The following KANK1 variants were observed in gnomAD, a reference collection of about 807,000 sequenced individuals.
The protein encoded by KANK1 is KN motif and ankyrin repeat domains 1, also known as KN motif and ankyrin repeat domain-containing protein 1.
KANK1 carries 109 observed loss-of-function variants against 106.2 expected under a neutral mutation model. The ratio of observed to expected loss-of-function variants is 1.03; its 90% CI spans 0.88 to 1.20. The LOEUF (loss-of-function observed/expected upper bound fraction) is 1.20. Ranked by LOEUF, KANK1 falls within the 50% of genes most tolerant of loss-of-function variation. The pLI is 0.00. For synonymous variants in KANK1, 873 were observed against 652.2 expected (o/e 1.34, Z -5.16); for missense variants, 2,399 against 1,710.7 (o/e 1.40, Z -7.10).
At chr9:580,190 CGTCTGGAGTTGTTCGTTCCTCCG>C (rs1563803497) in intron 1 of KANK1, among the ~76,000 whole-genome samples, 1 of 151,726 alleles carries the variant, frequency 6.6e-6, no homozygotes, top group African/African-American at 2.4e-5. Context: ...TAAGGCGGCG[CGTCTGGAGTTGTTCGTTCCTCCG>C]GTCTGGAGTT....
At chr9:677,771 C>T (rs1052306908) in intron 2 of KANK1, 3 of 152,150 alleles carry the variant, frequency 2.0e-5, no homozygotes, top group East Asian at 1.9e-4. Context: ...CAGACTCCTA[C>T]GTCTGCTGGC....
chr9:630,954 C>G (rs375603402), intron 1 of KANK1, among the ~76,000 whole-genome samples: 1 of 151,584 alleles, frequency 6.6e-6, no homozygotes, highest in African/African-American at 2.4e-5. Flanking sequence ...GACTCTGTCT[C>G]AAAAAACAAA....
chr9:546,956 C>G (rs979145929), intron 1 of KANK1, among the ~76,000 whole-genome samples: 4 of 152,174 alleles, frequency 2.6e-5, no homozygotes, highest in African/African-American at 9.7e-5. Context: ...ACAAATGGTT[C>G]TCACCAGATA....
At chr9:539,929 A>G (rs2133807260) in intron 1 of KANK1, among the ~76,000 whole-genome samples, 1 of 152,314 alleles carries the variant, frequency 6.6e-6, no homozygotes, top group East Asian at 1.9e-4. Flanking sequence ...TATTCTAACA[A>G]TCTTTTGGTG....
At chr9:730,529 T>C (rs1024889955) in intron 4 of KANK1, 1 of 384,760 alleles carries the variant, frequency 2.6e-6, no homozygotes, top group Non-Finnish European at 4.9e-6. Context: ...CCATCTCTAC[T>C]AAAAAATACA....
intron 2 of KANK1, among the ~76,000 whole-genome samples, chr9:692,089 GT>G (rs1274750707): frequency 5.6e-5 from 5 of 88,634 alleles, no homozygotes; most frequent in African/African-American, 1.7e-4. Context: ...AGCCTGTTTT[GT>G]AAAATTCAAA....
Position 564,447 on chromosome 9 carries a change from G to A in KANK1, c.-84+59693G>A, listed in dbSNP as rs543623314. ...TACATACAAAACAATCTGAACATGT[G>A]TCCTCAACGTAGACACCTAGTTATA... On this transcript the variant is annotated intron_variant, in intron 1 of 11. Transcript: ENST00000382297. Among the ~76,000 whole-genome samples, 130 of 152,216 alleles carry A rather than the reference G, an allele frequency of 8.5e-4. 1 individual carries two copies. Among genetic ancestry groups the A allele is most frequent in the Middle Eastern group, 3.4e-3 (1 of 294 alleles).
At chr9:724,069 C>G (rs1333319419) in intron 3 of KANK1, among the ~76,000 whole-genome samples, 1 of 151,998 alleles carries the variant, frequency 6.6e-6, no homozygotes, top group Non-Finnish European at 1.5e-5. Flanking sequence ...CCACTGCACT[C>G]CAGCCTGGGT....
In KANK1 at chr9:744,601, G is replaced by A. The variant is rs369281183; in HGVS notation, c.3996+12G>A. 9.9e-6 allele frequency: 16 copies of A among 1,613,962 alleles called. No homozygotes were observed. The highest frequency in any genetic ancestry group is 5.0e-5 in the Admixed American group (3 of 59,992). ...AAGCCCAGTCTCCGGTCAGTGTTGT[G>A]CATTTGGCATTTGTAAATAGGCTGA... is the stretch of plus-strand genomic sequence containing the variant. On this transcript the variant is annotated intron_variant, in intron 11 of 11. Transcript: ENST00000382297.
At chr9:641,039 G>A (rs771058220) in intron 1 of KANK1, among the ~76,000 whole-genome samples, 2 of 152,142 alleles carry the variant, frequency 1.3e-5, no homozygotes, top group Non-Finnish European at 2.9e-5. Context: ...TTAAAAGAGA[G>A]AGCTAAATTT....
intron 9 of KANK1, 63 bp downstream of exon 9, chr9:740,997 G>A (rs1835333781): frequency 2.5e-5 from 40 of 1,580,558 alleles, no homozygotes; most frequent in Non-Finnish European, 3.3e-5. Flanking sequence ...GACTGCGGTG[G>A]CCATTCTGGC....
At chr9:573,964 C>T (rs1819872752) in intron 1 of KANK1, among the ~76,000 whole-genome samples, 1 of 152,234 alleles carries the variant, frequency 6.6e-6, no homozygotes, top group Non-Finnish European at 1.5e-5. Flanking sequence ...CTGAGAGTTG[C>T]TTGGAGGAGC....
At chr9:738,212 T>C (rs554327467) in intron 7 of KANK1, 73 bp from the exon 8 acceptor site, 1 of 1,228,446 alleles carries the variant, frequency 8.1e-7, no homozygotes, top group South Asian at 1.4e-5. Context: ...AAAGGACAGG[T>C]TACTTGTGCT....
intron 1 of KANK1, among the ~76,000 whole-genome samples, chr9:522,439 A>G (rs1013575479): frequency 6.6e-6 from 1 of 151,528 alleles, no homozygotes; most frequent in South Asian, 2.1e-4. Context: ...CGTCTCTTTC[A>G]TGGTTTTCAC....
At chr9:649,122 C>T (rs986562040) in intron 1 of KANK1, among the ~76,000 whole-genome samples, 2 of 152,086 alleles carry the variant, frequency 1.3e-5, no homozygotes, top group African/African-American at 4.8e-5. Context: ...ATTAAGTCTC[C>T]TGGCATATAA....
intron 3 of KANK1, among the ~76,000 whole-genome samples, chr9:480,523 G>C (rs561277843): frequency 6.7e-4 from 102 of 152,352 alleles, no homozygotes; most frequent in Non-Finnish European, 1.0e-3. Flanking sequence ...ATATCATCCT[G>C]TGATGGAATA....
At chr9:539,753 C>CT (rs1259627910) in intron 1 of KANK1, 1 of 152,130 alleles carries the variant, frequency 6.6e-6, no homozygotes, top group African/African-American at 2.4e-5. Context: ...TCCCAAAGTG[C>CT]TAGGATTACA....
chr9:604,698 C>T (rs1037004038), intron 1 of KANK1, among the ~76,000 whole-genome samples: 14 of 151,620 alleles, frequency 9.2e-5, no homozygotes, highest in African/African-American at 2.0e-4. Context: ...GGGCGGGTGG[C>T]GCACACCTGT....
chr9:648,900 A>G (rs1356942843), intron 1 of KANK1, among the ~76,000 whole-genome samples: 1 of 152,178 alleles, frequency 6.6e-6, no homozygotes, highest in African/African-American at 2.4e-5. Flanking sequence ...AGTTAAAGTG[A>G]GGAAAACAAT....
Sources: allele counts gnomAD v4.1 joint callset (sites outside exome capture counted in the v4.1 genomes callset), GRCh38; gene constraint gnomAD v4.1.1; transcripts MANE v1.5; gene names NCBI Gene and HGNC (gene_info 2026-07-23, HGNC 2026-07-21).